The following NOVA2 variants were observed in gnomAD, a reference collection of about 807,000 sequenced individuals.
The protein encoded by NOVA2 is RNA-binding protein Nova-2.
A neutral mutation model predicts 22.5 loss-of-function variants in NOVA2; 9 were observed. That is an observed-to-expected ratio of 0.40 (90% CI 0.24 to 0.70). NOVA2 has a LOEUF of 0.70. Among genes scored for constraint, NOVA2 ranks in the 30% least tolerant of loss-of-function variants. The pLI, the probability that NOVA2 is intolerant of heterozygous loss-of-function variation, is 0.38. For missense variants in NOVA2, 383 were observed against 682.8 expected (o/e 0.56, Z 4.89); for synonymous variants, 318 against 335.2 (o/e 0.95, Z 0.56).
chr19:45,956,627 G>A (rs1035129901), intron 2 of NOVA2, among the ~76,000 whole-genome samples: 16 of 152,072 alleles, frequency 1.1e-4, no homozygotes, highest in Admixed American at 1.3e-4. Flanking sequence ...GTGCCACCAC[G>A]CCCGTCTAAG....
At chr19:45,941,175 C>T (rs1326620100) in intron 3 of NOVA2, among the ~76,000 whole-genome samples, 1 of 151,790 alleles carries the variant, frequency 6.6e-6, no homozygotes, top group African/African-American at 2.4e-5. Flanking sequence ...GCCTGTAATC[C>T]CAGCTACTCA....
intron 3 of NOVA2, among the ~76,000 whole-genome samples, chr19:45,953,103 G>T (rs532296471): frequency 1.2e-4 from 18 of 152,340 alleles, no homozygotes; most frequent in African/African-American, 4.3e-4. Context: ...GGTCCGGACA[G>T]CGCTGCCTGC....
chr19:45,954,855 GGT>G (rs10598680), intron 2 of NOVA2, among the ~76,000 whole-genome samples: 40,192 of 144,244 alleles, frequency 0.28, 5,453 homozygotes, highest in Middle Eastern at 0.38. Flanking sequence ...GCTGGTGAGT[GGT>G]GTGTGTGTGT....
At chr19:45,960,877 G>A (rs1968085953) in intron 2 of NOVA2, 133 bp downstream of exon 2, 1 of 924,210 alleles carries the variant, frequency 1.1e-6, no homozygotes, top group Non-Finnish European at 1.6e-6. Context: ...TCCCCTTAGG[G>A]GAAGGGGAGG....
intron 2 of NOVA2, among the ~76,000 whole-genome samples, chr19:45,955,688 T>C (rs1967994199): frequency 1.3e-5 from 2 of 151,938 alleles, no homozygotes; most frequent in Admixed American, 1.3e-4. Flanking sequence ...TGAAACCCTG[T>C]TTCTACTAAA....
At chr19:45,953,994 A>T (rs1416844789) in intron 2 of NOVA2, 48 bp from the exon 3 acceptor site, 4 of 1,580,442 alleles carry the variant, frequency 2.5e-6, no homozygotes, top group South Asian at 1.1e-5. Flanking sequence ...CAGGAATGGG[A>T]ACATTCCTGA....
intron 3 of NOVA2, among the ~76,000 whole-genome samples, chr19:45,946,684 T>G (rs185981299): frequency 6.6e-6 from 1 of 151,834 alleles, no homozygotes; most frequent in African/African-American, 2.4e-5. Context: ...CCATCCTGGC[T>G]AACATGGTGA....
Position 45,940,239 on chromosome 19 carries a change from G to C in NOVA2, c.1103C>G (p.Ala368Gly). 1 of 1,090,028 alleles carries C rather than the reference G, an allele frequency of 9.2e-7. No homozygotes were observed. The highest frequency in any genetic ancestry group is 1.1e-6 in the Non-Finnish European group (1 of 901,526). The allele number at this position is 1,090,028 out of a possible 1,614,324, so 67.5% of individuals were successfully genotyped here. The change falls in exon 4 of 4, where the codon GCC becomes GGC. Residue 368 changes from alanine (A) to glycine (G), a missense_variant. Physicochemically the swap from Ala to Gly is moderately conservative, Grantham distance 60. Coordinates refer to ENST00000263257, the MANE Select transcript of NOVA2 (RefSeq NM_002516.4). Reference sequence around the variant, plus strand: ...TCCGCCCGCCCCGCCGCCCGCCCCGGCCCCGAGGTAGCCGTTGGCGGCTGC... The same window carrying C: ...TCCGCCCGCCCCGCCGCCCGCCCCGCCCCCGAGGTAGCCGTTGGCGGCTGC... ...LAAAANGYLG[A>G]GAGGGAGGGG...
In NOVA2 at chr19:45,940,222, C is replaced by T; in HGVS notation, c.1120G>A (p.Ala374Thr). The change falls in exon 4 of 4, where the codon GCG becomes ACG. Residue 374 changes from alanine (A) to threonine (T), a missense_variant. This residue lies in a region of NOVA2 where 349 missense variants were observed against 578.1 expected (regional missense o/e 0.60). Transcript: ENST00000263257. ...GYLGAGAGGG[A>T]GGGGGPLVAA... is the part of the protein sequence containing the mutation. The stretch of plus-strand genomic sequence containing the variant: ...ACCAGCGGGCCGCCCCCTCCGCCCG[C>T]CCCGCCGCCCGCCCCGGCCCCGAGG... The T allele has an allele frequency of 9.0e-7, 1 of 1,111,536 alleles. No homozygotes were observed. Among genetic ancestry groups the T allele is most frequent in the Non-Finnish European group, 1.1e-6 (1 of 915,552 alleles). The allele number at this position is 1,111,536 out of a possible 1,614,324, so 68.9% of individuals were successfully genotyped here. A position where few individuals can be genotyped will look rare whatever the true frequency, so the allele number is the denominator to read the frequency against.
chr19:45,956,869 G>C (rs765177040), intron 2 of NOVA2, among the ~76,000 whole-genome samples: 5 of 152,196 alleles, frequency 3.3e-5, no homozygotes, highest in Non-Finnish European at 5.9e-5. Context: ...ATGTGTTCAA[G>C]TTCTCTTAGA....
intron 2 of NOVA2, among the ~76,000 whole-genome samples, chr19:45,959,650 C>G (rs991730404): frequency 1.4e-5 from 2 of 144,514 alleles, no homozygotes; most frequent in African/African-American, 5.1e-5. Flanking sequence ...AACCTCTTGC[C>G]AAAGCTGCTT....
At chr19:45,972,964 C>T (rs1216266698) in intron 1 of NOVA2, among the ~76,000 whole-genome samples, 1 of 152,016 alleles carries the variant, frequency 6.6e-6, no homozygotes, top group East Asian at 1.9e-4. Context: ...ACACACCCCT[C>T]AAGGACACAC....
At chr19:45,960,924 C>A (rs1968086829) in intron 2 of NOVA2, 86 bp downstream of exon 2, 1 of 1,389,090 alleles carries the variant, frequency 7.2e-7, no homozygotes, top group Non-Finnish European at 9.8e-7. Flanking sequence ...TTAGGGCAGA[C>A]CTTCCCCCTC....
chr19:45,953,856 G>A lies in NOVA2; in HGVS notation c.320C>T (p.Pro107Leu). The change falls in exon 3 of 4, where the codon CCA (proline) becomes CTA (leucine). Residue 107 changes from proline (P) to leucine (L), a missense_variant. Transcript: ENST00000263257. ...SFIAEKVREI[P>L]QAMTKPEVVN... ...CACCTCAGGCTTGGTCATCGCTTGT[G>A]GGATTTCTCGGACCTTCTCGGCAAT... 6.2e-7 allele frequency: 1 copy of A among 1,614,202 alleles called. No homozygotes were observed. Among genetic ancestry groups the A allele is most frequent in the Non-Finnish European group, 8.5e-7 (1 of 1,180,034 alleles).
At chr19:45,958,732 T>C (rs1014486253) in intron 2 of NOVA2, among the ~76,000 whole-genome samples, 10 of 152,120 alleles carry the variant, frequency 6.6e-5, no homozygotes, top group African/African-American at 2.2e-4. Context: ...CCACTGTCAT[T>C]TCTCACATGT....
rs750956192 is a variant in NOVA2, at chr19:45,953,885, G to A, written c.291C>T (p.Ser97=). 6.2e-7 allele frequency: 1 copy of A among 1,614,192 alleles called. No homozygotes were observed. Among genetic ancestry groups the A allele is most frequent in the South Asian group, 1.1e-5 (1 of 91,076 alleles). ...TTTCTCGGACCTTCTCGGCAATAAA[G>A]CTGTGCACAGCATTCAAGGCCTCTG... ...GTAEALNAVH[S]FIAEKVREIP... Residue 97 remains serine, a synonymous_variant, in exon 3 of 4, where the codon AGC becomes AGT. Coordinates refer to ENST00000263257, the MANE Select transcript of NOVA2 (RefSeq NM_002516.4).
chr19:45,948,764 G>A (rs1027065705), intron 3 of NOVA2, among the ~76,000 whole-genome samples: 4 of 152,098 alleles, frequency 2.6e-5, no homozygotes, highest in South Asian at 2.1e-4. Context: ...TTTATCATAT[G>A]TCCCAACAAT....
In NOVA2 at chr19:45,937,752, C is replaced by T. The variant is rs1215094182; in HGVS notation, c.*2111G>A. On this transcript the variant is annotated 3_prime_UTR_variant, in exon 4 of 4. Coordinates refer to ENST00000263257, the MANE Select transcript of NOVA2 (RefSeq NM_002516.4). ...GGCATGGAAAAAGTCACCCCAGTGC[C>T]CAAGTTACAGCCTCCCATCGGGTGG... is the stretch of plus-strand genomic sequence containing the variant. 1.3e-5 allele frequency: 2 copies of T among 152,140 alleles called. No homozygotes were observed. The highest frequency in any genetic ancestry group is 4.8e-5 in the African/African-American group (2 of 41,402). The allele number at this position is 152,140 out of a possible 1,614,324, so 9.4% of individuals were successfully genotyped here.
rs11668855 is a variant in NOVA2, at chr19:45,949,625, C to T, written c.396+4155G>A. Among the ~76,000 whole-genome samples, 1,267 of 152,256 alleles carry T rather than the reference C, an allele frequency of 8.3e-3. 7 individuals carry two copies. Among genetic ancestry groups the T allele is most frequent in the Non-Finnish European group, 0.011 (770 of 68,024 alleles). Reference sequence around the variant, plus strand: ...ATCTGTAAAATGGGCATACTATTCCCGATCCATACGATTTGTGCAAATATT... The same window carrying T: ...ATCTGTAAAATGGGCATACTATTCCTGATCCATACGATTTGTGCAAATATT... On this transcript the variant is annotated intron_variant, in intron 3 of 3. Coordinates refer to ENST00000263257, the MANE Select transcript of NOVA2 (RefSeq NM_002516.4).
Sources: gnomAD v4.1 joint callset for allele counts (sites outside exome capture counted in the v4.1 genomes callset) on GRCh38, gnomAD v4.1.1 for gene constraint, gnomAD v4.1.1 regional missense constraint, MANE v1.5 for transcripts, NCBI Gene and HGNC (gene_info 2026-07-23, HGNC 2026-07-21) for gene names.